DIXDC1: variants seen among roughly 807,000 people sequenced by gnomAD.
The protein encoded by DIXDC1 is dixin.
In DIXDC1, 64 loss-of-function variants were observed where a neutral mutation model predicts 103.1. The ratio of observed to expected loss-of-function variants is 0.62; its 90% CI spans 0.51 to 0.76. DIXDC1 has a LOEUF of 0.76. Among genes scored for constraint, DIXDC1 ranks in the 30% least tolerant of loss-of-function variants. The pLI, the probability that DIXDC1 is intolerant of heterozygous loss-of-function variation, is 0.00. For missense variants in DIXDC1, 759 were observed against 834.2 expected, an observed-to-expected ratio of 0.91 and a Z score of 1.11; for synonymous variants, 266 against 298.5, an observed-to-expected ratio of 0.89 and a Z score of 1.12.
chr11:111,940,610 G>T (rs928509986), intron 1 of DIXDC1, among the ~76,000 whole-genome samples: 1 of 152,034 alleles, frequency 6.6e-6, no homozygotes, highest in Non-Finnish European at 1.5e-5. Context: ...ATTATAATAC[G>T]GTTTGGGTAA....
intron 1 of DIXDC1, among the ~76,000 whole-genome samples, chr11:111,955,339 CA>C (rs869169346): frequency 0.068 from 3,408 of 49,828 alleles, 51 homozygotes; most frequent in African/African-American, 0.13. Flanking sequence ...GAGACCCTGT[CA>C]AAAAAAAAAA....
chr11:111,975,052 A>G (rs1555172461), intron 5 of DIXDC1, 69 bp downstream of exon 5: 1 of 1,553,004 alleles, frequency 6.4e-7, no homozygotes, highest in African/African-American at 1.4e-5. Flanking sequence ...TAACAATACA[A>G]CAAGCAAAAA....
intron 1 of DIXDC1, among the ~76,000 whole-genome samples, chr11:111,952,067 T>C (rs188736664): frequency 1.3e-5 from 2 of 152,128 alleles, no homozygotes; most frequent in African/African-American, 4.8e-5. Context: ...GGTTTCACCA[T>C]GTTGGGCAGG....
intron 1 of DIXDC1, among the ~76,000 whole-genome samples, chr11:111,951,623 A>G (rs1966807417): frequency 6.6e-6 from 1 of 152,170 alleles, no homozygotes; most frequent in Non-Finnish European, 1.5e-5. Flanking sequence ...CTCTTCTTGA[A>G]TTCCCACGTG....
intron 8 of DIXDC1, 39 bp downstream of exon 8, chr11:111,985,360 T>C (rs1555173731): frequency 6.6e-7 from 1 of 1,514,412 alleles, no homozygotes; most frequent in Admixed American, 1.9e-5. Context: ...TAAATCTGTA[T>C]GTATTTTACT....
chr11:111,964,913 T>C (rs1344652863), intron 2 of DIXDC1, among the ~76,000 whole-genome samples: 1 of 152,164 alleles, frequency 6.6e-6, no homozygotes, highest in South Asian at 2.1e-4. Context: ...GTCCATGCTC[T>C]CAAGAGTCTA....
intron 1 of DIXDC1, among the ~76,000 whole-genome samples, chr11:111,956,847 C>A (rs189569457): frequency 6.6e-6 from 1 of 152,020 alleles, no homozygotes; most frequent in Admixed American, 6.6e-5. Context: ...AAGTAAATAT[C>A]CATGATATAC....
chr11:111,943,047 A>G (rs1966468682), intron 1 of DIXDC1, among the ~76,000 whole-genome samples: 2 of 152,246 alleles, frequency 1.3e-5, no homozygotes, highest in South Asian at 4.1e-4. Context: ...GGGATGAGTC[A>G]CGTCTTGGGT....
At chr11:111,931,735 G>A (rs1252050180) in intron 2 of DIXDC1, among the ~76,000 whole-genome samples, 7 of 152,184 alleles carry the variant, frequency 4.6e-5, no homozygotes, top group African/African-American at 7.2e-5. Flanking sequence ...CAATTGTAGC[G>A]TCAGATTTTG....
In DIXDC1 at chr11:111,968,564, T is replaced by A. The variant is rs773928821; in HGVS notation, c.242T>A (p.Met81Lys). ...VQLSPGNQQE[M>K]KNNVEKVLQF... ...CTGAGTCCCGGTAACCAACAGGAGATGAAGAATAATGTGGAGAAAGTGCTA... is the reference window on the plus strand; with the variant it reads ...CTGAGTCCCGGTAACCAACAGGAGAAGAAGAATAATGTGGAGAAAGTGCTA... The change falls in exon 3 of 20, where the codon ATG (methionine) becomes AAG (lysine). Residue 81 changes from methionine (M) to lysine (K), a missense_variant. This residue lies in a region of DIXDC1 where 5 missense variants were observed against 21.2 expected (regional missense o/e 0.24). Coordinates refer to ENST00000440460, the MANE Select transcript of DIXDC1 (RefSeq NM_001037954.4). 3 of 1,612,842 alleles carry A rather than the reference T, an allele frequency of 1.9e-6. No individual in the cohort carries two copies. In the African/African-American group the frequency reaches 4.0e-5, roughly 22 times the overall value.
At chr11:112,012,119 T>A (rs587628605) in intron 17 of DIXDC1, among the ~76,000 whole-genome samples, 155 of 152,366 alleles carry the variant, frequency 1.0e-3, no homozygotes, top group Middle Eastern at 3.4e-3. Context: ...ATTGTTAAGA[T>A]GGCCTATTCT....
At chr11:111,973,747 G>GTTTA (rs1555172295) in intron 3 of DIXDC1, among the ~76,000 whole-genome samples, 23 of 152,234 alleles carry the variant, frequency 1.5e-4, no homozygotes, top group African/African-American at 5.5e-4. Context: ...ACTTCCTCTA[G>GTTTA]GAATCCTTCT....
chr11:111,975,235 A>G (rs1302786427), intron 5 of DIXDC1: 1 of 1,275,022 alleles, frequency 7.8e-7, no homozygotes, highest in East Asian at 3.9e-5. Context: ...AACTGTGACC[A>G]CATGGGGGCA....
chr11:111,965,359 G>A (rs1859694300), intron 2 of DIXDC1, among the ~76,000 whole-genome samples: 1 of 152,144 alleles, frequency 6.6e-6, no homozygotes, highest in South Asian at 2.1e-4. Flanking sequence ...CTGTTTAAGA[G>A]CAGGCATAGT....
chr11:111,933,956 T>C (rs963903320), upstream of DIXDC1, among the ~76,000 whole-genome samples: 2 of 152,214 alleles, frequency 1.3e-5, no homozygotes, highest in African/African-American at 4.8e-5. Context: ...TCTTACTCTA[T>C]TTATTAACAG....
chr11:112,009,327 C>G (rs1286521195), intron 17 of DIXDC1, among the ~76,000 whole-genome samples: 1 of 152,004 alleles, frequency 6.6e-6, no homozygotes, highest in Non-Finnish European at 1.5e-5. Flanking sequence ...AGCCTACCAA[C>G]CAAAAAAAGT....
intron 5 of DIXDC1, among the ~76,000 whole-genome samples, chr11:111,980,152 T>A (rs1860248375): frequency 1.3e-5 from 2 of 152,202 alleles, no homozygotes; most frequent in Non-Finnish European, 2.9e-5. Context: ...TACTGATATA[T>A]AACCGCTCCT....
At chr11:111,965,298 G>A (rs1439522933) in intron 2 of DIXDC1, among the ~76,000 whole-genome samples, 2 of 151,610 alleles carry the variant, frequency 1.3e-5, no homozygotes, top group African/African-American at 4.9e-5. Flanking sequence ...TTCTCTCATC[G>A]AATGATAATT....
intron 17 of DIXDC1, among the ~76,000 whole-genome samples, chr11:112,008,142 A>G (rs1861298415): frequency 6.6e-6 from 1 of 151,950 alleles, no homozygotes; most frequent in African/African-American, 2.4e-5. Flanking sequence ...AAAAAAAAAA[A>G]AAAAAGAAAA....
Sources: allele counts gnomAD v4.1 joint callset (sites outside exome capture counted in the v4.1 genomes callset), GRCh38; gene constraint gnomAD v4.1.1; regional missense constraint gnomAD v4.1.1; transcripts MANE v1.5; gene names NCBI Gene and HGNC (gene_info 2026-07-23, HGNC 2026-07-21).